PCDHGA8: variants seen among roughly 807,000 people sequenced by gnomAD.
PCDHGA8 encodes the protein protocadherin gamma-A8.
Under a neutral mutation model 59.2 loss-of-function variants are expected in PCDHGA8, and 45 were observed. The observed-to-expected ratio is 0.76, with a 90% confidence interval of 0.60 to 0.98. The LOEUF (loss-of-function observed/expected upper bound fraction) is 0.98. Ranked by LOEUF, PCDHGA8 falls within the 50% of genes least tolerant of loss-of-function variation. The pLI is 0.00. For missense variants in PCDHGA8, 1,257 were observed against 1,196.2 expected, an observed-to-expected ratio of 1.05 and a Z score of -0.75; for synonymous variants, 531 against 519.0, an observed-to-expected ratio of 1.02 and a Z score of -0.32.
At chr5:141,409,876 C>G in intron 1 of PCDHGA8, 1 of 1,612,874 alleles carries the variant, frequency 6.2e-7, no homozygotes, top group East Asian at 2.2e-5. Flanking sequence ...GCAATGACAA[C>G]GCACCGCGGG....
At chr5:141,466,689 A>G (rs2099127361) in intron 1 of PCDHGA8, among the ~76,000 whole-genome samples, 1 of 152,220 alleles carries the variant, frequency 6.6e-6, no homozygotes, top group Admixed American at 6.5e-5. Context: ...CTCAAGCTTC[A>G]TCATAAATTT....
intron 1 of PCDHGA8, chr5:141,420,969 A>G (rs2096536141): frequency 2.3e-6 from 1 of 443,064 alleles, no homozygotes; most frequent in Admixed American, 4.0e-5. Flanking sequence ...TTGCAATAAT[A>G]AGAATGGGCT....
chr5:141,421,766 C>T, intron 1 of PCDHGA8: 2 of 1,613,868 alleles, frequency 1.2e-6, no homozygotes, highest in South Asian at 1.1e-5. Context: ...AATTACTTTT[C>T]CTTGCAACTG....
intron 1 of PCDHGA8, among the ~76,000 whole-genome samples, chr5:141,481,063 C>T (rs2154578481): frequency 6.6e-6 from 1 of 151,952 alleles, no homozygotes; most frequent in Middle Eastern, 3.4e-3. Context: ...ACCTCAAAAA[C>T]AAAAAGAAAG....
intron 1 of PCDHGA8, among the ~76,000 whole-genome samples, chr5:141,455,907 ATTTATTTT>A (rs1199495676): frequency 7.1e-5 from 9 of 126,872 alleles, no homozygotes; most frequent in African/African-American, 1.1e-4. Context: ...TTATTTATTT[ATTTATTTT>A]GAGACGGAGT....
chr5:141,485,858 C>A lies in PCDHGA8; in HGVS notation c.2425-8949C>A, dbSNP rs1431906047. 8.1e-6 allele frequency: 13 copies of A among 1,614,162 alleles called. No individual in the cohort carries two copies. The South Asian group carries it at 1.4e-4, about 18-fold the overall frequency. ...GCCGAGATCTGGCACCGCAGAGCTC[C>A]GGGTATCCGTGCTGGACGTAAACGA... On this transcript the variant is annotated intron_variant, in intron 1 of 3. Coordinates refer to ENST00000398604, the MANE Select transcript of PCDHGA8 (RefSeq NM_032088.2). This position sits in a 1 kb window ranked among gnomAD's most constrained non-coding sequence, Gnocchi z 5.7.
At chr5:141,405,359 GAC>G in intron 1 of PCDHGA8, 1 of 1,614,018 alleles carries the variant, frequency 6.2e-7, no homozygotes, top group Admixed American at 1.7e-5. Context: ...TCCTATAGAA[GAC>G]ACCCCTTTGG....
rs772884830 is a variant in PCDHGA8 at position 141,491,791 on chromosome 5, C to T, written c.2425-3016C>T. ...TAAGGGATTGAACTTGCATCCACTCCTCTCCGGCCGGCTTGGTCGCTGGCT... is the reference window on the plus strand; with the variant it reads ...TAAGGGATTGAACTTGCATCCACTCTTCTCCGGCCGGCTTGGTCGCTGGCT... On this transcript the variant is annotated intron_variant, in intron 1 of 3. Coordinates refer to ENST00000398604, the MANE Select transcript of PCDHGA8 (RefSeq NM_032088.2). This position sits in a 1 kb window ranked among gnomAD's most constrained non-coding sequence, Gnocchi z 6.9. The T allele has an allele frequency of 3.3e-6, 5 of 1,518,376 alleles. No homozygotes were observed. In the African/African-American group the frequency reaches 4.2e-5, roughly 13 times the overall value. The allele number at this position is 1,518,376 out of a possible 1,614,324, so 94.1% of individuals were successfully genotyped here.
rs1243112302 is a variant in PCDHGA8, at chr5:141,476,738, C to G, written c.2425-18069C>G. 6.2e-7 allele frequency: 1 copy of G among 1,614,076 alleles called. No homozygotes were observed. Among genetic ancestry groups the G allele is most frequent in the Non-Finnish European group, 8.5e-7 (1 of 1,180,028 alleles). On this transcript the variant is annotated intron_variant, in intron 1 of 3. Transcript: ENST00000398604. This position sits in a 1 kb window ranked among gnomAD's most constrained non-coding sequence, Gnocchi z 7.6. ...GCGCGCCCTGGACCGAGAACGGGAG[C>G]CTAGTCTCCAGTTAGTGCTGACGGC...
intron 1 of PCDHGA8, among the ~76,000 whole-genome samples, chr5:141,434,748 C>T (rs932613622): frequency 2.0e-5 from 3 of 151,818 alleles, no homozygotes; most frequent in African/African-American, 7.3e-5. Flanking sequence ...CTATGAGACC[C>T]CTGATTCCCC....
intron 1 of PCDHGA8, chr5:141,478,104 C>T (rs1440105341): frequency 6.2e-7 from 1 of 1,614,118 alleles, no homozygotes; most frequent in South Asian, 1.1e-5. Flanking sequence ...GCTACCCTCA[C>T]TGTGTCAGTA....
chr5:141,428,679 TGGATGA>T (rs1231732563), intron 1 of PCDHGA8: 1 of 163,254 alleles, frequency 6.1e-6, no homozygotes, highest in Non-Finnish European at 1.3e-5. Flanking sequence ...CATTTACAAA[TGGATGA>T]GGTTTAATTT....
In PCDHGA8 at chr5:141,435,189, G is replaced by A. The variant is rs569176993; in HGVS notation, c.2424+39952G>A. Among the ~76,000 whole-genome samples the A allele has an allele frequency of 5.3e-5, 8 of 152,166 alleles. No homozygotes were observed. The South Asian group carries it at 8.3e-4, about 16-fold the overall frequency. On this transcript the variant is annotated intron_variant, in intron 1 of 3. Coordinates refer to ENST00000398604, the MANE Select transcript of PCDHGA8 (RefSeq NM_032088.2). ...GTGGCTTTTAACTACACTTGAGATGGCTAGCAAATTCATAAAGTGAATTTA... is the reference window on the plus strand; with the variant it reads ...GTGGCTTTTAACTACACTTGAGATGACTAGCAAATTCATAAAGTGAATTTA...
At chr5:141,419,863 G>C in intron 1 of PCDHGA8, 1 of 1,614,108 alleles carries the variant, frequency 6.2e-7, no homozygotes, top group Non-Finnish European at 8.5e-7. Flanking sequence ...CAGATAGCTT[G>C]CAAGAGGTAC....
intron 1 of PCDHGA8, among the ~76,000 whole-genome samples, chr5:141,442,879 A>T (rs1399128822): frequency 6.6e-6 from 1 of 152,256 alleles, no homozygotes; most frequent in Non-Finnish European, 1.5e-5. Flanking sequence ...TTTACAACTC[A>T]GAATCCCTGC....
chr5:141,471,408 T>C (rs951728688), intron 1 of PCDHGA8: 1 of 152,166 alleles, frequency 6.6e-6, no homozygotes, highest in Non-Finnish European at 1.5e-5. Flanking sequence ...CTAGGCTTAG[T>C]TATGTTTTTA....
chr5:141,497,885 A>T (rs1469477968), intron 2 of PCDHGA8, among the ~76,000 whole-genome samples: 1 of 152,166 alleles, frequency 6.6e-6, no homozygotes, highest in Non-Finnish European at 1.5e-5. Flanking sequence ...AAGCGTTAGG[A>T]TCTAGTCCAG....
chr5:141,394,896 G>A lies in PCDHGA8; in HGVS notation c.2083G>A (p.Val695Met). Reference sequence around the variant, plus strand: ...TTCGAGCCTTACACTCTATCTCGTGGTGGCAGTGGCTGCCATCTCCTGTGT... The same window carrying A: ...TTCGAGCCTTACACTCTATCTCGTGATGGCAGTGGCTGCCATCTCCTGTGT... ...NDSSLTLYLV[V>M]AVAAISCVFL... is the part of the protein sequence containing the mutation. The change falls in exon 1 of 4, where the codon GTG becomes ATG. Residue 695 changes from valine (V) to methionine (M), a missense_variant. Physicochemically the swap from Val to Met is conservative, Grantham distance 21. Coordinates refer to ENST00000398604, the MANE Select transcript of PCDHGA8 (RefSeq NM_032088.2). 4.3e-6 allele frequency: 7 copies of A among 1,613,872 alleles called. No individual in the cohort carries two copies. The highest frequency in any genetic ancestry group is 5.9e-6 in the Non-Finnish European group (7 of 1,179,872).
rs759226115 is a variant in PCDHGA8 at position 141,405,385 on chromosome 5, A to AT, written c.2424+10156dup. 3.1e-5 allele frequency: 49 copies of AT among 1,599,976 alleles called. 1 individual carries two copies. The highest frequency in any genetic ancestry group is 2.8e-4 in the Admixed American group (16 of 56,782). On this transcript the variant is annotated intron_variant, in intron 1 of 3. Coordinates refer to ENST00000398604, the MANE Select transcript of PCDHGA8 (RefSeq NM_032088.2). ...ACACCCCTTTGGTTCCGGTGAGTTC[A>AT]TTTTTTTTCTTTCTTTCTTTTCTTT...
Sources: gnomAD v4.1 joint callset for allele counts (sites outside exome capture counted in the v4.1 genomes callset) on GRCh38, gnomAD v4.1.1 for gene constraint, Gnocchi (gnomAD v3.1) non-coding constraint, MANE v1.5 for transcripts, NCBI Gene and HGNC (gene_info 2026-07-23, HGNC 2026-07-21) for gene names.